Variants in MYO18A observed in about 807,000 individuals in gnomAD.
MYO18A encodes the protein unconventional myosin-XVIIIa.
A neutral mutation model predicts 235.8 loss-of-function variants in MYO18A; 78 were observed. The observed-to-expected ratio is 0.33, with a 90% CI of 0.28 to 0.40. The LOEUF (loss-of-function observed/expected upper bound fraction) is 0.40. MYO18A is among the 10% of genes least tolerant of loss of function. The pLI is 1.00. For missense variants in MYO18A, 2,215 were observed against 2,699.3 expected (o/e 0.82, Z 3.98); for synonymous variants, 977 against 1,077.8 (o/e 0.91, Z 1.83).
intron 34 of MYO18A, chr17:29,091,476 CTG>C (rs1258336549): frequency 1.7e-5 from 6 of 355,192 alleles, no homozygotes; most frequent in Middle Eastern, 6.4e-4. Context: ...ACCAAAATGA[CTG>C]TGTTGGCTCC....
At chr17:29,171,844 G>A (rs1427762052) in intron 1 of MYO18A, among the ~76,000 whole-genome samples, 2 of 150,560 alleles carry the variant, frequency 1.3e-5, no homozygotes, top group African/African-American at 2.5e-5. Context: ...ATTGAGCCAC[G>A]ATCATGCCAT....
chr17:29,090,625 G>T lies in MYO18A; in HGVS notation c.5305-10C>A. The T allele has an allele frequency of 6.3e-7, 1 of 1,595,872 alleles. No individual in the cohort carries two copies. The highest frequency in any genetic ancestry group is 8.5e-7 in the Non-Finnish European group (1 of 1,170,582). Reference sequence around the variant, plus strand: ...CCAGGTCCCGGGAAGCCTGGGAAAGGAATGAGAGCATCAGAAGCAGGATCC... The same window carrying T: ...CCAGGTCCCGGGAAGCCTGGGAAAGTAATGAGAGCATCAGAAGCAGGATCC... On this transcript the variant is annotated splice_polypyrimidine_tract_variant and intron_variant, in intron 35 of 41. Coordinates refer to ENST00000527372, the MANE Select transcript of MYO18A (RefSeq NM_078471.4).
In MYO18A at chr17:29,140,682, C is replaced by T. The variant is rs1352276980; in HGVS notation, c.1000-18429G>A. ...TGCCTATGGACACACACCCCAGCTC[C>T]GGGACAGCTGGGCTGATATGGCTCC... On this transcript the variant is annotated intron_variant, in intron 2 of 41. Transcript: ENST00000527372. The surrounding 1 kb of genome is among the most constrained non-coding windows in gnomAD (Gnocchi z 4.2). 1.3e-5 allele frequency among the ~76,000 whole-genome samples: 2 copies of T among 152,128 alleles called. No homozygotes were observed. The highest frequency in any genetic ancestry group is 1.9e-4 in the East Asian group (1 of 5,178).
chr17:29,135,006 G>A (rs1402486637), intron 2 of MYO18A, among the ~76,000 whole-genome samples: 6 of 152,116 alleles, frequency 3.9e-5, no homozygotes, highest in Admixed American at 3.9e-4. Context: ...GAGCTGGGCC[G>A]CTTGAAAAAT....
chr17:29,090,605 T>C lies in MYO18A; in HGVS notation c.5315A>G (p.Asp1772Gly). Residue 1772 changes from aspartate to glycine, a missense_variant, in exon 36 of 42, where the codon GAC becomes GGC. Physicochemically the swap from Asp to Gly is moderately conservative, Grantham distance 94 (BLOSUM62 -1). Transcript: ENST00000527372. ...HKAAVAQASR[D>G]LAQINDLQAQ... ...TTGGAGATCATTTATCTGAGCCAGG[T>C]CCCGGGAAGCCTGGGAAAGGAATGA... 1.3e-6 allele frequency: 2 copies of C among 1,599,096 alleles called. No homozygotes were observed. Among genetic ancestry groups the C allele is most frequent in the Non-Finnish European group, 8.5e-7 (1 of 1,172,258 alleles).
At position 29,092,294 on chromosome 17, in the gene MYO18A, A is replaced by G. The variant is rs1207324314; in HGVS notation, c.5187+49T>C. 4.3e-6 allele frequency: 6 copies of G among 1,404,088 alleles called. No homozygotes were observed. The East Asian group carries it at 9.3e-5, about 22-fold the overall frequency. 87.0% of individuals were successfully genotyped at this position (1,404,088 alleles called of 1,614,324 possible). On this transcript the variant is annotated intron_variant, in intron 34 of 41. Coordinates refer to ENST00000527372, the MANE Select transcript of MYO18A (RefSeq NM_078471.4). Reference sequence around the variant, plus strand: ...TGAAGGGAGCCACAGAGGCAGCTCTATTCTGCCTCAGCCCCCCGAGCTCTG... The same window carrying G: ...TGAAGGGAGCCACAGAGGCAGCTCTGTTCTGCCTCAGCCCCCCGAGCTCTG...
At chr17:29,107,461 T>C (rs1286405810) in intron 19 of MYO18A, 3 of 429,408 alleles carry the variant, frequency 7.0e-6, no homozygotes, top group Non-Finnish European at 1.3e-5. Flanking sequence ...AAGCTCCTAG[T>C]AGTCAGTGAG....
rs751013479 is a variant in MYO18A, at chr17:29,110,539, G to C, written c.2984C>G (p.Ser995Trp). 1.2e-6 allele frequency: 2 copies of C among 1,610,964 alleles called. No individual in the cohort carries two copies. Among genetic ancestry groups the C allele is most frequent in the African/African-American group, 1.3e-5 (1 of 75,030 alleles). ...GGTGGCCCGGCGCAGTGCCAGCTGCGAGCCGCCCTCCAGGCCCGCGATGGA... is the reference window on the plus strand; with the variant it reads ...GGTGGCCCGGCGCAGTGCCAGCTGCCAGCCGCCCTCCAGGCCCGCGATGGA... ...SGSIAGLEGG[S>W]QLALRRATSM... Residue 995 changes from serine (S) to tryptophan (W), a missense_variant, in exon 18 of 42, where the codon TCG becomes TGG. Physicochemically the swap from Ser to Trp is radical, Grantham distance 177. Coordinates refer to ENST00000527372, the MANE Select transcript of MYO18A (RefSeq NM_078471.4).
At chr17:29,154,136 G>GTGTA (rs2068018185) in intron 2 of MYO18A, among the ~76,000 whole-genome samples, 1 of 152,126 alleles carries the variant, frequency 6.6e-6, no homozygotes, top group African/African-American at 2.4e-5. Flanking sequence ...GCGCGTGCGT[G>GTGTA]TGTATGTGGC....
chr17:29,120,962 CCCCACTTTCAGT>C lies in MYO18A; in HGVS notation c.1585+24_1585+35del, dbSNP rs1268830882. ...CTCTCTCCTCACTCCCCTCCCCTCA[CCCCACTTTCAGT>C]TTTCTCCCTTGTCCCTGCCTCACCA... On this transcript the variant is annotated intron_variant, in intron 6 of 41. Transcript: ENST00000527372. The surrounding 1 kb of genome is among the most constrained non-coding windows in gnomAD (Gnocchi z 4.2). 1 of 1,590,064 alleles carries C rather than the reference CCCCACTTTCAGT, an allele frequency of 6.3e-7. No homozygotes were observed. The highest frequency in any genetic ancestry group is 8.6e-7 in the Non-Finnish European group (1 of 1,168,456).
At chr17:29,135,609 T>C (rs1048613857) in intron 2 of MYO18A, among the ~76,000 whole-genome samples, 16 of 152,376 alleles carry the variant, frequency 1.1e-4, no homozygotes, top group South Asian at 2.1e-4. Context: ...TACTTGTCTA[T>C]AGAGGTCCCA....
In MYO18A at chr17:29,115,658, G is replaced by T; in HGVS notation, c.2227+6C>A. The T allele has an allele frequency of 6.3e-7, 1 of 1,589,150 alleles. No individual in the cohort carries two copies. On this transcript the variant is annotated splice_donor_region_variant and intron_variant, in intron 12 of 41. Transcript: ENST00000527372. Reference sequence around the variant, plus strand: ...TCACAACTACCAGCCAAGGGACAAAGGGTACCTGTCCCATCTCCCAGGCCA... The same window carrying T: ...TCACAACTACCAGCCAAGGGACAAATGGTACCTGTCCCATCTCCCAGGCCA...
rs114825543 is a variant in MYO18A, at chr17:29,117,201, G to A, written c.2039-746C>T. On this transcript the variant is annotated intron_variant, in intron 10 of 41. Transcript: ENST00000527372. This position sits in a 1 kb window ranked among gnomAD's most constrained non-coding sequence, Gnocchi z 4.6. Reference sequence around the variant, plus strand: ...AAGGGGGTGAAGAGGTGCTCGAATCGCCATCCTCCAACGTAAGTCATCTTG... The same window carrying A: ...AAGGGGGTGAAGAGGTGCTCGAATCACCATCCTCCAACGTAAGTCATCTTG... Among the ~76,000 whole-genome samples, 28 of 152,236 alleles carry A rather than the reference G, an allele frequency of 1.8e-4. No homozygotes were observed. Among genetic ancestry groups the A allele is most frequent in the African/African-American group, 6.7e-4 (28 of 41,544 alleles).
At chr17:29,173,905 G>T (rs560784893) in intron 1 of MYO18A, among the ~76,000 whole-genome samples, 2 of 152,196 alleles carry the variant, frequency 1.3e-5, no homozygotes, top group South Asian at 4.2e-4. Flanking sequence ...CTGAGTAGCT[G>T]TGACTACAGG....
At chr17:29,079,630 C>A in intron 41 of MYO18A, 14 of 836,122 alleles carry the variant, frequency 1.7e-5, no homozygotes, top group Non-Finnish European at 1.9e-5. Context: ...GAGAGGAGTG[C>A]GGGTGGGCCC....
chr17:29,135,338 G>A (rs2067572260), intron 2 of MYO18A, among the ~76,000 whole-genome samples: 2 of 152,060 alleles, frequency 1.3e-5, no homozygotes, highest in Admixed American at 1.3e-4. Flanking sequence ...TCCTGACCTC[G>A]TGATCCACCC....
At chr17:29,082,262 C>A in intron 41 of MYO18A, 54 bp downstream of exon 41, 1 of 1,610,658 alleles carries the variant, frequency 6.2e-7, no homozygotes. Flanking sequence ...GCTACTTGTC[C>A]ATTCCTTGTG....
intron 40 of MYO18A, among the ~76,000 whole-genome samples, chr17:29,085,293 A>C (rs189312116): frequency 2.2e-4 from 34 of 152,202 alleles, no homozygotes; most frequent in Non-Finnish European, 3.7e-4. Flanking sequence ...TTTTTGAGGG[A>C]GGAATGTGCT....
chr17:29,086,888 T>C, intron 38 of MYO18A, 48 bp downstream of exon 38: 4 of 1,558,232 alleles, frequency 2.6e-6, no homozygotes, highest in Non-Finnish European at 3.5e-6. Flanking sequence ...ACTCAGCAGC[T>C]ACTCAAGGGG....
Sources: gnomAD v4.1 joint callset for allele counts (sites outside exome capture counted in the v4.1 genomes callset) on GRCh38, gnomAD v4.1.1 for gene constraint, Gnocchi (gnomAD v3.1) non-coding constraint, MANE v1.5 for transcripts, NCBI Gene and HGNC (gene_info 2026-07-23, HGNC 2026-07-21) for gene names.